The following TTC3 variants were observed in gnomAD, a reference collection of about 807,000 sequenced individuals.
The protein encoded by TTC3 is E3 ubiquitin-protein ligase TTC3.
A neutral mutation model predicts 249.6 loss-of-function variants in TTC3; 180 were observed. That is an observed-to-expected ratio of 0.72 (90% CI 0.64 to 0.82). The LOEUF (loss-of-function observed/expected upper bound fraction) is 0.82. Ranked by LOEUF, TTC3 falls within the 40% of genes least tolerant of loss-of-function variation. The pLI is 0.00. For missense variants in TTC3, 2,061 were observed against 2,398.4 expected (o/e 0.86, Z 2.94); for synonymous variants, 717 against 805.0 (o/e 0.89, Z 1.85).
intron 11 of TTC3, among the ~76,000 whole-genome samples, chr21:37,112,159 G>T (rs1163574201): frequency 1.3e-5 from 2 of 152,102 alleles, no homozygotes; most frequent in Admixed American, 6.6e-5. Flanking sequence ...GCAAACACAT[G>T]CAAAAGCTAG....
chr21:37,113,815 G>A (rs1428909823), intron 11 of TTC3, among the ~76,000 whole-genome samples: 2 of 152,172 alleles, frequency 1.3e-5, no homozygotes, highest in South Asian at 2.1e-4. Flanking sequence ...AACTAAAACA[G>A]CATGTTACTG....
At chr21:37,192,491 T>TTGTGTGTGTGTGTGTG (rs60538841) in intron 41 of TTC3, among the ~76,000 whole-genome samples, 14,955 of 140,394 alleles carry the variant, frequency 0.11, 931 homozygotes, top group South Asian at 0.15. Context: ...TCTTCTATCT[T>TTGTGTGTGTGTGTGTG]TGTGTGTGTG....
intron 18 of TTC3, among the ~76,000 whole-genome samples, chr21:37,138,182 A>C (rs2078130627): frequency 6.6e-6 from 1 of 152,216 alleles, no homozygotes; most frequent in Non-Finnish European, 1.5e-5. Context: ...AGTATCGCTA[A>C]AACATAACTT....
chr21:37,182,673 C>A, intron 35 of TTC3, 101 bp from the exon 36 acceptor site: 2 of 1,219,052 alleles, frequency 1.6e-6, no homozygotes, highest in Non-Finnish European at 2.2e-6. Flanking sequence ...GAACTTAGGT[C>A]ATTGTTTAAG....
At chr21:37,122,067 AATCAATCCTC>A in intron 12 of TTC3, 88 bp downstream of exon 12, 2 of 1,235,290 alleles carry the variant, frequency 1.6e-6, no homozygotes, top group Non-Finnish European at 2.2e-6. Context: ...GAGGACCACA[AATCAATCCTC>A]AGATGATTTA....
At chr21:37,117,847 A>G (rs945074606) in intron 11 of TTC3, among the ~76,000 whole-genome samples, 3 of 151,086 alleles carry the variant, frequency 2.0e-5, no homozygotes, top group Non-Finnish European at 2.9e-5. Context: ...AAAAAAAAAA[A>G]AAAAAAGAAA....
chr21:37,160,712 C>T (rs1010960609), intron 29 of TTC3, 90 bp from the exon 30 acceptor site: 74 of 1,301,218 alleles, frequency 5.7e-5, no homozygotes, highest in Non-Finnish European at 7.6e-5. Flanking sequence ...TAACTTATGG[C>T]TAGTCTGTAA....
intron 16 of TTC3, among the ~76,000 whole-genome samples, chr21:37,131,717 C>T (rs35959139): frequency 0.021 from 3,205 of 152,166 alleles, 111 homozygotes; most frequent in African/African-American, 0.073. Context: ...GTGAGGTCTG[C>T]GCTAACTCTG....
At chr21:37,196,079 G>C (rs747910415) in intron 42 of TTC3, 43 bp downstream of exon 42, 4 of 1,597,390 alleles carry the variant, frequency 2.5e-6, no homozygotes. Flanking sequence ...ATACTTTATC[G>C]AACTGAGGTT....
intron 31 of TTC3, among the ~76,000 whole-genome samples, chr21:37,163,207 G>A (rs139439050): frequency 2.7e-4 from 41 of 152,278 alleles, no homozygotes; most frequent in African/African-American, 9.9e-4. Flanking sequence ...GTACAGATAA[G>A]GAAACTCTGA....
intron 12 of TTC3, 135 bp downstream of exon 12, chr21:37,122,114 C>A (rs1568977645): frequency 3.9e-6 from 3 of 775,136 alleles, no homozygotes; most frequent in East Asian, 6.0e-5. Context: ...TTATCTTGGT[C>A]ATGGCACTTG....
chr21:37,175,538 A>T (rs565749496), intron 35 of TTC3, among the ~76,000 whole-genome samples: 1 of 145,942 alleles, frequency 6.9e-6, no homozygotes, highest in Non-Finnish European at 1.5e-5. Flanking sequence ...CAGAGGTTGC[A>T]GTGAGCCAAG....
intron 10 of TTC3, among the ~76,000 whole-genome samples, chr21:37,097,236 G>C (rs1312958322): frequency 6.6e-6 from 1 of 152,094 alleles, no homozygotes; most frequent in Admixed American, 6.6e-5. Context: ...AGCTAAGAAA[G>C]ATTGAGAAAG....
intron 10 of TTC3, among the ~76,000 whole-genome samples, chr21:37,102,080 G>A (rs1224325884): frequency 6.6e-6 from 1 of 151,644 alleles, no homozygotes; most frequent in African/African-American, 2.4e-5. Flanking sequence ...TATATCTGTA[G>A]GACACATTTC....
chr21:37,192,529 T>C (rs555816349), intron 41 of TTC3, among the ~76,000 whole-genome samples: 20 of 50,788 alleles, frequency 3.9e-4, no homozygotes, highest in Admixed American at 1.9e-3. Context: ...GTGTGTTGTA[T>C]ATGTATTCCT....
intron 20 of TTC3, among the ~76,000 whole-genome samples, chr21:37,141,020 AT>A (rs1438664084): frequency 6.6e-6 from 1 of 152,192 alleles, no homozygotes; most frequent in Admixed American, 6.5e-5. Flanking sequence ...TGATTTAATT[AT>A]TTTTTAAAAA....
chr21:37,116,906 G>A (rs982661163), intron 11 of TTC3, among the ~76,000 whole-genome samples: 10 of 151,926 alleles, frequency 6.6e-5, no homozygotes, highest in African/African-American at 2.2e-4. Flanking sequence ...CTGGTTTTAC[G>A]TAATTTAAAA....
At chr21:37,151,810 A>G (rs1417265867) in intron 25 of TTC3, 83 bp from the exon 26 acceptor site, 18 of 1,414,796 alleles carry the variant, frequency 1.3e-5, no homozygotes, top group Non-Finnish European at 1.6e-5. Flanking sequence ...GAAAACTTCT[A>G]ATATATTGCT....
At chr21:37,076,081 G>C (rs2070823967) in intron 1 of TTC3, among the ~76,000 whole-genome samples, 1 of 152,128 alleles carries the variant, frequency 6.6e-6, no homozygotes, top group African/African-American at 2.4e-5. Flanking sequence ...CTACCATCCT[G>C]AATTGTGTAT....
Sources: allele counts gnomAD v4.1 joint callset (sites outside exome capture counted in the v4.1 genomes callset), GRCh38; gene constraint gnomAD v4.1.1; transcripts MANE v1.5; gene names NCBI Gene and HGNC (gene_info 2026-07-23, HGNC 2026-07-21).